Variants in RBFOX1 observed in about 807,000 individuals in gnomAD.
RBFOX1 encodes RNA binding protein fox-1 homolog 1.
RBFOX1 carries 8 observed loss-of-function variants against 57.7 expected under a neutral mutation model. The ratio of observed to expected loss-of-function variants is 0.14; its 90% confidence interval spans 0.08 to 0.25. The LOEUF (loss-of-function observed/expected upper bound fraction) is 0.25. Ranked by LOEUF, RBFOX1 falls within the 10% of genes least tolerant of loss-of-function variation. The pLI is 1.00. For synonymous variants in RBFOX1, 326 were observed against 222.4 expected (o/e 1.47, Z -4.15); for missense variants, 611 against 548.5 (o/e 1.11, Z -1.14).
chr16:6,758,031 T>G (rs150900480), intron 3 of RBFOX1, among the ~76,000 whole-genome samples: 2 of 152,326 alleles, frequency 1.3e-5, no homozygotes, highest in Admixed American at 6.5e-5. Flanking sequence ...GTCACACTTT[T>G]AAGAAGTCAG....
chr16:6,958,485 G>A (rs1355551561), intron 3 of RBFOX1, among the ~76,000 whole-genome samples: 1 of 152,084 alleles, frequency 6.6e-6, no homozygotes, highest in Non-Finnish European at 1.5e-5. Context: ...CACAAAAGGC[G>A]TTCTGTGATA....
At chr16:7,691,192 C>T (rs1041394479) in intron 14 of RBFOX1, among the ~76,000 whole-genome samples, 1 of 143,092 alleles carries the variant, frequency 7.0e-6, no homozygotes, top group Non-Finnish European at 1.6e-5. Context: ...TTAAATGTCA[C>T]TATTATTGAG....
chr16:6,567,333 C>T (rs1231899362), intron 2 of RBFOX1, among the ~76,000 whole-genome samples: 3 of 152,160 alleles, frequency 2.0e-5, no homozygotes, highest in Non-Finnish European at 4.4e-5. Context: ...GAAACTGAGG[C>T]ATGGATGTTA....
Position 5,299,927 on chromosome 16 carries a change from T to A in RBFOX1, c.219+59822T>A, listed in dbSNP as rs577736003. Among the ~76,000 whole-genome samples, 22 of 152,300 alleles carry A rather than the reference T, an allele frequency of 1.4e-4. No individual in the cohort carries two copies. In the East Asian group the frequency reaches 4.0e-3, roughly 28 times the overall value. On this transcript the variant is annotated intron_variant, in intron 1 of 2. Coordinates refer to the RBFOX1 transcript ENST00000585867. Reference sequence around the variant, plus strand: ...ATATGATGTTAGCTGTAGTTTTTTTTAATAGATGCACTTTATCACATTGAG... The same window carrying A: ...ATATGATGTTAGCTGTAGTTTTTTTAAATAGATGCACTTTATCACATTGAG...
chr16:6,971,311 G>A (rs1429963302), intron 3 of RBFOX1, among the ~76,000 whole-genome samples: 2 of 152,282 alleles, frequency 1.3e-5, no homozygotes, highest in East Asian at 3.9e-4. Flanking sequence ...GCGAGGACAT[G>A]TCAGCCACAG....
At chr16:7,633,285 G>C (rs1408531444) in intron 11 of RBFOX1, among the ~76,000 whole-genome samples, 1 of 152,188 alleles carries the variant, frequency 6.6e-6, no homozygotes, top group Non-Finnish European at 1.5e-5. Context: ...TCACTGCACT[G>C]TGTGTAGCTG....
chr16:6,516,163 G>T (rs536509131), intron 2 of RBFOX1, among the ~76,000 whole-genome samples: 1 of 152,228 alleles, frequency 6.6e-6, no homozygotes, highest in South Asian at 2.1e-4. Context: ...CGAGTAGCTG[G>T]GATTACAGGC....
chr16:6,871,099 T>A (rs2060786937), intron 3 of RBFOX1, among the ~76,000 whole-genome samples: 1 of 152,224 alleles, frequency 6.6e-6, no homozygotes, highest in African/African-American at 2.4e-5. Flanking sequence ...TCTTTCTTCT[T>A]ACATTCTTTA....
At chr16:6,663,763 G>C (rs1390364647) in intron 3 of RBFOX1, among the ~76,000 whole-genome samples, 3 of 152,206 alleles carry the variant, frequency 2.0e-5, no homozygotes. Flanking sequence ...ATGAAAATTA[G>C]AGCATCCCTG....
At chr16:6,768,120 C>T (rs1202616243) in intron 3 of RBFOX1, among the ~76,000 whole-genome samples, 1 of 151,618 alleles carries the variant, frequency 6.6e-6, no homozygotes, top group Non-Finnish European at 1.5e-5. Context: ...TTTGCTTGGC[C>T]CCCGAGGCAG....
intron 4 of RBFOX1, among the ~76,000 whole-genome samples, chr16:7,224,615 G>A (rs1406738833): frequency 3.9e-5 from 6 of 152,140 alleles, no homozygotes; most frequent in Admixed American, 3.9e-4. Context: ...GGGTGGGTTA[G>A]GGGGAGGTAA....
At chr16:6,994,145 G>C (rs557952691) in intron 3 of RBFOX1, among the ~76,000 whole-genome samples, 13 of 152,174 alleles carry the variant, frequency 8.5e-5, no homozygotes, top group Non-Finnish European at 1.9e-4. Flanking sequence ...ATTGCGCTTG[G>C]GGTATTGGCG....
chr16:5,663,814 C>T (rs1462769975), intron 3 of RBFOX1, among the ~76,000 whole-genome samples: 2 of 152,322 alleles, frequency 1.3e-5, no homozygotes, highest in East Asian at 3.9e-4. Flanking sequence ...CTTCACACGT[C>T]AAAGACATTC....
chr16:7,332,196 G>C (rs1335040365), intron 4 of RBFOX1, among the ~76,000 whole-genome samples: 1 of 152,210 alleles, frequency 6.6e-6, no homozygotes, highest in African/African-American at 2.4e-5. Flanking sequence ...CGAGCTATGT[G>C]ACCATGAGCA....
intron 3 of RBFOX1, among the ~76,000 whole-genome samples, chr16:6,676,764 C>T (rs1479219067): frequency 2.7e-5 from 4 of 148,740 alleles, no homozygotes; most frequent in Admixed American, 6.8e-5. Context: ...CAACCTTTGC[C>T]TCCCAGGTTG....
chr16:5,578,917 G>T (rs977097803), intron 2 of RBFOX1, among the ~76,000 whole-genome samples: 39 of 141,050 alleles, frequency 2.8e-4, no homozygotes, highest in East Asian at 2.1e-3. Flanking sequence ...GCTTGATCTT[G>T]GCTCACTGCA....
chr16:6,901,388 C>G (rs1304849174), intron 3 of RBFOX1, among the ~76,000 whole-genome samples: 2 of 152,082 alleles, frequency 1.3e-5, no homozygotes, highest in Non-Finnish European at 2.9e-5. Context: ...TCAAAGTGAA[C>G]AGGACGTTCC....
intron 3 of RBFOX1, among the ~76,000 whole-genome samples, chr16:6,737,493 CAAA>C (rs1568409380): frequency 2.6e-5 from 4 of 152,112 alleles, no homozygotes; most frequent in Non-Finnish European, 5.9e-5. Context: ...TTCAGATGGC[CAAA>C]ACAGCTACTA....
intron 4 of RBFOX1, among the ~76,000 whole-genome samples, chr16:5,971,773 C>G (rs72770967): frequency 0.089 from 13,474 of 152,232 alleles, 663 homozygotes; most frequent in South Asian, 0.17. Flanking sequence ...ATGTGTCAAG[C>G]TGACTAGGCC....
Sources: allele counts gnomAD v4.1 joint callset (sites outside exome capture counted in the v4.1 genomes callset), GRCh38; gene constraint gnomAD v4.1.1; transcripts MANE v1.5; gene names NCBI Gene and HGNC (gene_info 2026-07-23, HGNC 2026-07-21).